The following MYH14 variants were observed in gnomAD, a reference collection of about 807,000 sequenced individuals.
The protein encoded by MYH14 is myosin-14.
Under a neutral mutation model 255.5 loss-of-function variants are expected in MYH14, and 123 were observed. The ratio of observed to expected loss-of-function variants is 0.48; its 90% confidence interval spans 0.42 to 0.56. The LOEUF (loss-of-function observed/expected upper bound fraction) is 0.56. MYH14 is among the 20% of genes least tolerant of loss of function. The pLI is 0.00. For synonymous variants in MYH14, 1,095 were observed against 1,161.2 expected (o/e 0.94, Z 1.16); for missense variants, 2,423 against 2,802.3 (o/e 0.86, Z 3.06).
rs67261435 is a variant in MYH14 at position 50,260,760 on chromosome 19, T to TGC, written c.2424+47_2424+48dup. 499,997 of 1,310,688 alleles carry TGC rather than the reference T, an allele frequency of 0.38. 112,560 individuals carry two copies. The highest frequency in any genetic ancestry group is 0.58 in the Admixed American group (32,070 of 54,948). 81.2% of individuals were successfully genotyped at this position (1,310,688 alleles called of 1,614,324 possible). A position where few individuals can be genotyped will look rare whatever the true frequency, so the allele number is the denominator to read the frequency against. On this transcript the variant is annotated intron_variant, in intron 20 of 42. Coordinates refer to ENST00000642316, the MANE Select transcript of MYH14 (RefSeq NM_001145809.2). ...GAATGCGTGTGTGCGTGTGTGTGTG[T>TGC]GCGTGCATGAGTGTGCGTGCATGTG...
chr19:50,213,840 G>A (rs1439163420), intron 2 of MYH14, among the ~76,000 whole-genome samples: 1 of 152,038 alleles, frequency 6.6e-6, no homozygotes, highest in African/African-American at 2.4e-5. Flanking sequence ...TTGTTTGTTT[G>A]TTTTAGACAT....
At position 50,250,082 on chromosome 19, in the gene MYH14, T is replaced by C. The variant is rs140159350; in HGVS notation, c.1656+259T>C. The stretch of plus-strand genomic sequence containing the variant: ...GTAACTGTTGTTCTCACGTTTGTTT[T>C]TTGTTTGTTTGTTTTGTTTTGTTTT... On this transcript the variant is annotated intron_variant, in intron 14 of 42. Coordinates refer to ENST00000642316, the MANE Select transcript of MYH14 (RefSeq NM_001145809.2). The surrounding 1 kb of genome is among the most constrained non-coding windows in gnomAD (Gnocchi z 5.4). Among the ~76,000 whole-genome samples the C allele has an allele frequency of 6.6e-4, 101 of 152,306 alleles. No individual in the cohort carries two copies. Among genetic ancestry groups the C allele is most frequent in the African/African-American group, 2.4e-3 (101 of 41,552 alleles).
At chr19:50,286,347 T>C in intron 33 of MYH14, 135 bp from the exon 34 acceptor site, 2 of 865,354 alleles carry the variant, frequency 2.3e-6, no homozygotes, top group Non-Finnish European at 3.5e-6. Flanking sequence ...TCCCTCTACC[T>C]CCCTCTTGTG....
rs2036178050 is a variant in MYH14, at chr19:50,293,957, G to A, written c.5469+270G>A. Among the ~76,000 whole-genome samples, 1 of 152,158 alleles carries A rather than the reference G, an allele frequency of 6.6e-6. No homozygotes were observed. The highest frequency in any genetic ancestry group is 2.4e-5 in the African/African-American group (1 of 41,436). On this transcript the variant is annotated intron_variant, in intron 39 of 42. Transcript: ENST00000642316. The surrounding 1 kb of genome is among the most constrained non-coding windows in gnomAD (Gnocchi z 4.1). ...GTCTCCTGGGCCCAGTAGAGAGAGA[G>A]AAAAGACTTTCTGCAGGAGTCATAA...
rs1177926332 is a variant in MYH14, at chr19:50,250,348, G to A, written c.1657-167G>A. ...GATCTCCTGACCTCGTGATCTACCC[G>A]CCTCGGCCTCCCAAAGTGCTGGGAT... On this transcript the variant is annotated intron_variant, in intron 14 of 42. Transcript: ENST00000642316. The surrounding 1 kb of genome is among the most constrained non-coding windows in gnomAD (Gnocchi z 5.4). 3.3e-5 allele frequency among the ~76,000 whole-genome samples: 5 copies of A among 151,254 alleles called. No individual in the cohort carries two copies. Among genetic ancestry groups the A allele is most frequent in the East Asian group, 1.9e-4 (1 of 5,172 alleles).
intron 12 of MYH14, 49 bp from the exon 13 acceptor site, chr19:50,248,938 A>G (rs771578227): frequency 1.2e-6 from 2 of 1,606,088 alleles, no homozygotes; most frequent in South Asian, 2.2e-5. Flanking sequence ...GACGTCTTTC[A>G]GTCTGCTGAT....
intron 3 of MYH14, among the ~76,000 whole-genome samples, chr19:50,222,253 G>A (rs548704830): frequency 2.6e-5 from 4 of 152,106 alleles, no homozygotes; most frequent in Admixed American, 2.0e-4. Flanking sequence ...GGCCGAGGCC[G>A]GTGGATCACG....
rs768851131 is a variant in MYH14, at chr19:50,226,970, T to G, written c.874+4T>G. On this transcript the variant is annotated splice_donor_region_variant and intron_variant, in intron 8 of 42. Coordinates refer to ENST00000642316, the MANE Select transcript of MYH14 (RefSeq NM_001145809.2). The stretch of plus-strand genomic sequence containing the variant: ...GTGGGCGCCAACATTGAGACCTGTA[T>G]CCTCTCACAGCCCATGGGGGTGGCA... 64 of 1,613,426 alleles carry G rather than the reference T, an allele frequency of 4.0e-5. No homozygotes were observed. The Admixed American group carries it at 9.3e-4, about 24-fold the overall frequency.
chr19:50,236,255 C>T (rs1244712872), intron 10 of MYH14, among the ~76,000 whole-genome samples: 1 of 152,028 alleles, frequency 6.6e-6, no homozygotes, highest in Non-Finnish European at 1.5e-5. Flanking sequence ...ATCTCTTGAG[C>T]CCGGGAGGTG....
chr19:50,272,016 G>A, intron 26 of MYH14, 44 bp downstream of exon 26: 1 of 1,591,424 alleles, frequency 6.3e-7, no homozygotes, highest in Non-Finnish European at 8.6e-7. Flanking sequence ...GTGCTCTAAT[G>A]GGGGACCTCA....
At chr19:50,243,306 T>C (rs8111950) in intron 10 of MYH14, among the ~76,000 whole-genome samples, 2,296 of 152,040 alleles carry the variant, frequency 0.015, 78 homozygotes, top group African/African-American at 0.053. Context: ...TGTGGTGGTG[T>C]GCACCAGTAA....
intron 35 of MYH14, 101 bp downstream of exon 35, chr19:50,289,749 C>T (rs1406365644): frequency 5.6e-6 from 6 of 1,080,588 alleles, no homozygotes; most frequent in Non-Finnish European, 6.7e-6. Flanking sequence ...CCGACCCACC[C>T]ACCACTCTGT....
rs753781579 is a variant in MYH14 at position 50,301,888 on chromosome 19, C to G, written c.5678+19C>G. The G allele has an allele frequency of 4.4e-6, 7 of 1,588,440 alleles. No homozygotes were observed. In the Admixed American group the frequency reaches 1.1e-4, roughly 24 times the overall value. On this transcript the variant is annotated intron_variant, in intron 40 of 42. Coordinates refer to ENST00000642316, the MANE Select transcript of MYH14 (RefSeq NM_001145809.2). Reference sequence around the variant, plus strand: ...AGACCAGGTAGGTGAGAGCGGAGGCCACAGGAGAAAGGTGACCTCCACATT... The same window carrying G: ...AGACCAGGTAGGTGAGAGCGGAGGCGACAGGAGAAAGGTGACCTCCACATT...
At chr19:50,301,367 G>T (rs1269516100) in intron 39 of MYH14, among the ~76,000 whole-genome samples, 1 of 152,182 alleles carries the variant, frequency 6.6e-6, no homozygotes, top group African/African-American at 2.4e-5. Flanking sequence ...TTCACAGTCA[G>T]AAGTAGAATT....
At chr19:50,305,787 C>G (rs1252431062) in intron 40 of MYH14, among the ~76,000 whole-genome samples, 1 of 151,848 alleles carries the variant, frequency 6.6e-6, no homozygotes, top group African/African-American at 2.4e-5. Context: ...TAAAAATTAG[C>G]CCAGCATGAT....
intron 2 of MYH14, among the ~76,000 whole-genome samples, chr19:50,215,754 G>A (rs1208377657): frequency 6.6e-6 from 1 of 152,176 alleles, no homozygotes; most frequent in Non-Finnish European, 1.5e-5. Flanking sequence ...AGGAGGTAGA[G>A]GCTGCAGTGA....
intron 9 of MYH14, among the ~76,000 whole-genome samples, chr19:50,231,633 A>G (rs976992014): frequency 6.6e-6 from 1 of 152,010 alleles, no homozygotes; most frequent in Non-Finnish European, 1.5e-5. Context: ...GGATTGCTTG[A>G]GCCCAGGAGT....
chr19:50,263,556 T>C, intron 22 of MYH14, 136 bp downstream of exon 22: 1 of 509,864 alleles, frequency 2.0e-6, no homozygotes, highest in Non-Finnish European at 3.3e-6. Context: ...GCCCAGGCTT[T>C]GCTAGCTGGG....
chr19:50,265,885 A>G (rs904667510), intron 22 of MYH14, among the ~76,000 whole-genome samples: 1 of 152,178 alleles, frequency 6.6e-6, no homozygotes, highest in Admixed American at 6.5e-5. Context: ...GTGGCCTGTA[A>G]AATCTCAAAT....
Sources: gnomAD v4.1 joint callset for allele counts (sites outside exome capture counted in the v4.1 genomes callset) on GRCh38, gnomAD v4.1.1 for gene constraint, Gnocchi (gnomAD v3.1) non-coding constraint, MANE v1.5 for transcripts, NCBI Gene and HGNC (gene_info 2026-07-23, HGNC 2026-07-21) for gene names.